ZNG1A: variants seen among roughly 807,000 people sequenced by gnomAD.
ZNG1A encodes Zn regulated GTPase metalloprotein activator 1A.
At chr9:172,155 G>C in the ZNG1A span, 3 of 1,611,136 alleles carry the variant, frequency 1.9e-6, no homozygotes, top group South Asian at 2.2e-5. Flanking sequence ...ATTCTCAATA[G>C]CTCTAAGGCC....
the ZNG1A span, chr9:160,173 G>A: frequency 4.4e-6 from 2 of 454,414 alleles, no homozygotes; most frequent in South Asian, 3.1e-5. Flanking sequence ...TCACATCAAT[G>A]GGTGACAATC....
chr9:130,935 C>A, the ZNG1A span, among the ~76,000 whole-genome samples: 1 of 112,568 alleles, frequency 8.9e-6, no homozygotes, highest in Non-Finnish European at 1.8e-5. Flanking sequence ...TAGAAAAACC[C>A]TGAAAAAAAT....
At chr9:143,178 T>A in the ZNG1A span, among the ~76,000 whole-genome samples, 1 of 149,352 alleles carries the variant, frequency 6.7e-6, no homozygotes, top group Non-Finnish European at 1.5e-5. Context: ...GAGGGAATAC[T>A]CCCTAACTCA....
chr9:138,639 A>T, the ZNG1A span, among the ~76,000 whole-genome samples: 2 of 144,312 alleles, frequency 1.4e-5, no homozygotes, highest in Non-Finnish European at 3.0e-5. Context: ...TGGGCTACAC[A>T]TGTAATCCCA....
At chr9:122,746 C>T in the ZNG1A span, 2 of 740,932 alleles carry the variant, frequency 2.7e-6, no homozygotes, top group African/African-American at 2.0e-5. Context: ...TAAGCATACA[C>T]TTTAGAATCA....
the ZNG1A span, among the ~76,000 whole-genome samples, chr9:174,068 A>T: frequency 2.7e-5 from 4 of 149,980 alleles, no homozygotes; most frequent in African/African-American, 9.9e-5. Flanking sequence ...AATGGCGTGA[A>T]CCCGGGAGGC....
chr9:178,221 TTCTTAGTTTGAGAAATAG>T, the ZNG1A span, among the ~76,000 whole-genome samples: 2 of 150,550 alleles, frequency 1.3e-5, no homozygotes, highest in Non-Finnish European at 3.0e-5. Flanking sequence ...ACTCTAAACG[TTCTTAGTTTGAGAAATAG>T]TCTTGGAGGA....
chr9:176,299 T>C, the ZNG1A span, among the ~76,000 whole-genome samples: 2 of 140,514 alleles, frequency 1.4e-5, no homozygotes, highest in East Asian at 4.0e-4. Flanking sequence ...AGAAAAAAAA[T>C]AGTCTTGTGA....
the ZNG1A span, among the ~76,000 whole-genome samples, chr9:140,745 G>C: frequency 6.6e-6 from 1 of 152,038 alleles, no homozygotes; most frequent in Non-Finnish European, 1.5e-5. Context: ...ACTACTCCGA[G>C]CTATGGGAGG....
the ZNG1A span, among the ~76,000 whole-genome samples, chr9:169,720 A>G: frequency 6.7e-6 from 1 of 150,282 alleles, no homozygotes; most frequent in African/African-American, 2.5e-5. Context: ...TCTACCAGCA[A>G]AAAGACTATG....
At chr9:123,594 A>G in the ZNG1A span, 3 of 580,054 alleles carry the variant, frequency 5.2e-6, no homozygotes, top group Non-Finnish European at 9.3e-6. Context: ...TACTTTCCTC[A>G]GCATATGTGC....
At chr9:127,592 T>G in the ZNG1A span, among the ~76,000 whole-genome samples, 1 of 152,242 alleles carries the variant, frequency 6.6e-6, no homozygotes, top group South Asian at 2.1e-4. Flanking sequence ...GTGAGACTCT[T>G]GAAGGCAACA....
At chr9:174,666 G>A in the ZNG1A span, among the ~76,000 whole-genome samples, 1 of 150,260 alleles carries the variant, frequency 6.7e-6, no homozygotes, top group South Asian at 2.1e-4. Flanking sequence ...AATATAACTG[G>A]CTTCCCATCC....
the ZNG1A span, chr9:161,556 C>T: frequency 4.7e-6 from 6 of 1,285,290 alleles, no homozygotes; most frequent in South Asian, 6.2e-5. Flanking sequence ...TTTAAACTTC[C>T]AAGAACTTAC....
chr9:134,957 G>C, the ZNG1A span: 2 of 1,338,458 alleles, frequency 1.5e-6, no homozygotes, highest in Non-Finnish European at 2.1e-6. Flanking sequence ...AGGAATTTTG[G>C]ATTTAGATTT....
chr9:129,486 T>A, the ZNG1A span, among the ~76,000 whole-genome samples: 1 of 149,538 alleles, frequency 6.7e-6, no homozygotes, highest in Non-Finnish European at 1.5e-5. Context: ...ATATTATGTA[T>A]CCTTAAAAAA....
the ZNG1A span, chr9:146,830 A>G: frequency 6.8e-6 from 1 of 147,812 alleles, no homozygotes; most frequent in East Asian, 2.0e-4. Context: ...ATAAAAAAGC[A>G]AATTTATAAA....
chr9:154,442 A>T, the ZNG1A span: 8 of 511,210 alleles, frequency 1.6e-5, no homozygotes, highest in Non-Finnish European at 2.0e-5. Flanking sequence ...AAAGAGTCAA[A>T]GAGAAGACAG....
At chr9:160,190 G>C in the ZNG1A span, 1 of 454,566 alleles carries the variant, frequency 2.2e-6, no homozygotes, top group Admixed American at 2.3e-5. Flanking sequence ...AATCCCATTA[G>C]CATGATACCC....
Sources: allele counts gnomAD v4.1 joint callset (sites outside exome capture counted in the v4.1 genomes callset), GRCh38; gene constraint gnomAD v4.1.1; transcripts MANE v1.5; gene names NCBI Gene and HGNC (gene_info 2026-07-23, HGNC 2026-07-21).